The following NRG1 variants were observed in gnomAD, a reference collection of about 807,000 sequenced individuals.
NRG1 encodes the protein pro-neuregulin-1, membrane-bound isoform.
In NRG1, 18 loss-of-function variants were observed where a neutral mutation model predicts 63.8. The ratio of observed to expected loss-of-function variants is 0.28; its 90% CI spans 0.19 to 0.42. NRG1 has a LOEUF of 0.42. NRG1 is among the 10% of genes least tolerant of loss of function. The probability of loss-of-function intolerance (pLI) is 1.00; values close to 1 mark genes in which losing one functional copy is unlikely to be tolerated. For synonymous variants in NRG1, 302 were observed against 301.3 expected (o/e 1.00, Z -0.02); for missense variants, 762 against 814.7 (o/e 0.94, Z 0.79).
intron 1 of NRG1, among the ~76,000 whole-genome samples, chr8:31,834,524 A>G (rs890044671): frequency 1.3e-5 from 2 of 152,102 alleles, no homozygotes; most frequent in African/African-American, 2.4e-5. Flanking sequence ...CTGGGCATCA[A>G]CACAAGACCT....
chr8:32,143,929 T>C (rs1235908057), intron 1 of NRG1, among the ~76,000 whole-genome samples: 1 of 152,244 alleles, frequency 6.6e-6, no homozygotes, highest in Non-Finnish European at 1.5e-5. Flanking sequence ...TATCTTGCTA[T>C]GCAGGGCTCC....
intron 1 of NRG1, among the ~76,000 whole-genome samples, chr8:32,528,939 T>A (rs1831161993): frequency 6.6e-6 from 1 of 152,184 alleles, no homozygotes; most frequent in Non-Finnish European, 1.5e-5. Flanking sequence ...GATACTTAAA[T>A]TTGACAACGA....
chr8:32,026,945 T>C (rs1361311505), intron 1 of NRG1, among the ~76,000 whole-genome samples: 3 of 152,172 alleles, frequency 2.0e-5, no homozygotes, highest in African/African-American at 7.2e-5. Context: ...TTAATCCCCA[T>C]TTCTCTGTAT....
chr8:31,991,377 C>CTT (rs1426560087), intron 1 of NRG1, among the ~76,000 whole-genome samples: 9 of 148,052 alleles, frequency 6.1e-5, no homozygotes, highest in Non-Finnish European at 1.0e-4. Flanking sequence ...TCCTCCTCCT[C>CTT]CTCTTCTTCT....
At chr8:32,019,297 A>G (rs990766761) in intron 1 of NRG1, among the ~76,000 whole-genome samples, 15 of 152,044 alleles carry the variant, frequency 9.9e-5, no homozygotes, top group Non-Finnish European at 1.6e-4. Context: ...ACGGGTTTTC[A>G]CCATGTTAGC....
chr8:32,134,088 G>A (rs1464335649), intron 1 of NRG1, among the ~76,000 whole-genome samples: 3 of 152,106 alleles, frequency 2.0e-5, no homozygotes, highest in Non-Finnish European at 4.4e-5. Flanking sequence ...TTTGTTACTT[G>A]TAAGGTCTAT....
intron 1 of NRG1, among the ~76,000 whole-genome samples, chr8:32,151,489 G>A (rs1341789723): frequency 6.6e-6 from 1 of 152,136 alleles, no homozygotes. Flanking sequence ...TTGAGGTGAG[G>A]TGGGGTTAGG....
intron 1 of NRG1, among the ~76,000 whole-genome samples, chr8:32,238,939 G>A (rs911681840): frequency 3.9e-5 from 6 of 152,098 alleles, no homozygotes; most frequent in South Asian, 4.1e-4. Flanking sequence ...TACTTTTCAC[G>A]CAGAAACTTG....
chr8:32,056,690 A>AATACCTCT (rs1468074314), intron 1 of NRG1, among the ~76,000 whole-genome samples: 1 of 152,160 alleles, frequency 6.6e-6, no homozygotes, highest in Non-Finnish European at 1.5e-5. Flanking sequence ...TGGCACTGAA[A>AATACCTCT]ATACCTCTAT....
intron 1 of NRG1, among the ~76,000 whole-genome samples, chr8:31,683,804 A>G (rs1808589779): frequency 6.6e-6 from 1 of 152,062 alleles, no homozygotes; most frequent in South Asian, 2.1e-4. Context: ...GGCAGGGGCT[A>G]TATGGGAACT....
In NRG1 at chr8:32,461,097, A is replaced by G. The variant is rs147094175; in HGVS notation, c.38-134731A>G. On this transcript the variant is annotated intron_variant, in intron 1 of 10. Transcript: ENST00000519301. ...TTTCTATTTTTTCTCTATTCTCAGTAAAATAGAACTTTCTCAACAATTCTG... is the reference window on the plus strand; with the variant it reads ...TTTCTATTTTTTCTCTATTCTCAGTGAAATAGAACTTTCTCAACAATTCTG... 1.9e-3 allele frequency among the ~76,000 whole-genome samples: 296 copies of G among 152,310 alleles called. 1 individual carries two copies. Among genetic ancestry groups the G allele is most frequent in the African/African-American group, 6.7e-3 (277 of 41,588 alleles).
At chr8:31,644,051 T>C (rs139378330) in intron 1 of NRG1, among the ~76,000 whole-genome samples, 6 of 152,364 alleles carry the variant, frequency 3.9e-5, no homozygotes, top group Non-Finnish European at 8.8e-5. Flanking sequence ...ATATCTTCAG[T>C]CACTATTTAA....
At chr8:31,697,015 T>C (rs934649572) in intron 1 of NRG1, among the ~76,000 whole-genome samples, 3 of 152,210 alleles carry the variant, frequency 2.0e-5, no homozygotes, top group Non-Finnish European at 4.4e-5. Flanking sequence ...TATATTTAAT[T>C]ATCCAGATAC....
intron 7 of NRG1, 41 bp from the exon 8 acceptor site, chr8:32,754,331 G>A: frequency 6.3e-7 from 1 of 1,582,506 alleles, no homozygotes; most frequent in South Asian, 1.1e-5. Context: ...CCTGGCAAGT[G>A]GAAGTGACCT....
intron 1 of NRG1, among the ~76,000 whole-genome samples, chr8:32,464,138 C>T (rs1822745128): frequency 1.3e-5 from 2 of 151,752 alleles, no homozygotes; most frequent in Non-Finnish European, 2.9e-5. Flanking sequence ...TCGTGATCCT[C>T]CCGCCTCAGT....
intron 5 of NRG1, among the ~76,000 whole-genome samples, chr8:32,685,310 G>T (rs144096390): frequency 6.6e-6 from 1 of 152,072 alleles, no homozygotes; most frequent in Non-Finnish European, 1.5e-5. Context: ...GTCACAGCGT[G>T]GTGGGGCCTC....
intron 1 of NRG1, among the ~76,000 whole-genome samples, chr8:32,477,752 A>G (rs979412824): frequency 2.0e-5 from 3 of 152,236 alleles, no homozygotes; most frequent in Non-Finnish European, 4.4e-5. Flanking sequence ...AGAATTACTA[A>G]TAAGAATTAT....
chr8:32,562,755 G>C (rs1447993705), intron 1 of NRG1, among the ~76,000 whole-genome samples: 1 of 152,136 alleles, frequency 6.6e-6, no homozygotes, highest in Non-Finnish European at 1.5e-5. Flanking sequence ...CAGGAACCTT[G>C]GTCAAATAAC....
chr8:32,239,518 A>C (rs1158680402), intron 1 of NRG1, among the ~76,000 whole-genome samples: 2 of 143,860 alleles, frequency 1.4e-5, no homozygotes. Context: ...ATGAATTTTA[A>C]AATGAATTTC....
Sources: allele counts gnomAD v4.1 joint callset (sites outside exome capture counted in the v4.1 genomes callset), GRCh38; gene constraint gnomAD v4.1.1; transcripts MANE v1.5; gene names NCBI Gene and HGNC (gene_info 2026-07-23, HGNC 2026-07-21).